The following CYB5A variants were observed in gnomAD, a reference collection of about 807,000 sequenced individuals.
CYB5A encodes cytochrome b5 type A.
A neutral mutation model predicts 16.2 loss-of-function variants in CYB5A; 10 were observed. The ratio of observed to expected loss-of-function variants is 0.62; its 90% CI spans 0.38 to 1.04. The LOEUF is 1.04. Among genes scored for constraint, CYB5A ranks in the 50% least tolerant of loss-of-function variants. The pLI, the probability that CYB5A is intolerant of heterozygous loss-of-function variation, is 0.01. For missense variants in CYB5A, 161 were observed against 165.9 expected, an observed-to-expected ratio of 0.97 and a Z score of 0.16; for synonymous variants, 62 against 57.0, an observed-to-expected ratio of 1.09 and a Z score of -0.40.
At chr18:74,290,708 G>A (rs1983498662) in intron 1 of CYB5A, among the ~76,000 whole-genome samples, 1 of 152,188 alleles carries the variant, frequency 6.6e-6, no homozygotes, top group Non-Finnish European at 1.5e-5. Flanking sequence ...TTATTGGGAG[G>A]GGGCGTGAGC....
intron 3 of CYB5A, chr18:74,260,658 G>C (rs542214289): frequency 2.0e-5 from 11 of 548,388 alleles, no homozygotes; most frequent in Non-Finnish European, 3.4e-5. Context: ...CTCTTCAAAT[G>C]GTATATATTG....
At chr18:74,288,651 AG>A (rs1161239054) in intron 1 of CYB5A, among the ~76,000 whole-genome samples, 1 of 152,212 alleles carries the variant, frequency 6.6e-6, no homozygotes, top group Non-Finnish European at 1.5e-5. Context: ...ACTACCTGGC[AG>A]GGCAGTGTGC....
At chr18:74,289,062 A>G (rs576729682) in intron 1 of CYB5A, among the ~76,000 whole-genome samples, 1 of 151,998 alleles carries the variant, frequency 6.6e-6, no homozygotes, top group Non-Finnish European at 1.5e-5. Flanking sequence ...AAACCAAACT[A>G]ACTCCTTGTG....
At chr18:74,287,640 G>C (rs1392663236) in intron 1 of CYB5A, among the ~76,000 whole-genome samples, 1 of 152,296 alleles carries the variant, frequency 6.6e-6, no homozygotes, top group African/African-American at 2.4e-5. Context: ...ATGTTCTACA[G>C]AAGCAAGTTT....
At chr18:74,281,327 G>C (rs529060502) in intron 1 of CYB5A, among the ~76,000 whole-genome samples, 4 of 152,308 alleles carry the variant, frequency 2.6e-5, no homozygotes, top group Non-Finnish European at 4.4e-5. Flanking sequence ...GGTCTTTCTG[G>C]CCAGGATGTG....
intron 1 of CYB5A, among the ~76,000 whole-genome samples, chr18:74,286,762 A>AG (rs1168226164): frequency 4.6e-5 from 7 of 152,218 alleles, no homozygotes; most frequent in African/African-American, 1.7e-4. Flanking sequence ...CACCAGGAGG[A>AG]CTTTTCAGAA....
intron 1 of CYB5A, among the ~76,000 whole-genome samples, chr18:74,272,793 G>A (rs1179722978): frequency 1.3e-5 from 2 of 151,880 alleles, no homozygotes; most frequent in Admixed American, 6.6e-5. Flanking sequence ...GTAGTGGTGG[G>A]CGCCTGTATC....
At chr18:74,280,655 G>A (rs1983062357) in intron 1 of CYB5A, among the ~76,000 whole-genome samples, 1 of 152,052 alleles carries the variant, frequency 6.6e-6, no homozygotes, top group Non-Finnish European at 1.5e-5. Flanking sequence ...AAGGTGTGAG[G>A]TTTCAGTCAA....
intron 2 of CYB5A, among the ~76,000 whole-genome samples, chr18:74,262,455 CAAAAA>C (rs5826311): frequency 7.6e-6 from 1 of 132,248 alleles, no homozygotes. Flanking sequence ...GACTCTGTCT[CAAAAA>C]AAAAAAAAAA....
At chr18:74,285,059 T>A (rs1568225212) in intron 1 of CYB5A, among the ~76,000 whole-genome samples, 1 of 152,134 alleles carries the variant, frequency 6.6e-6, no homozygotes. Context: ...GGTCCAAGGG[T>A]AATAGGAAAG....
intron 2 of CYB5A, among the ~76,000 whole-genome samples, chr18:74,262,521 T>C (rs1179771706): frequency 6.6e-6 from 1 of 151,548 alleles, no homozygotes; most frequent in African/African-American, 2.4e-5. Context: ...GGTCAATGAA[T>C]TGGTCCAGAG....
chr18:74,255,172 G>GT lies in CYB5A; in HGVS notation c.323+568dup, dbSNP rs1981924151. On this transcript the variant is annotated intron_variant, in intron 4 of 4. Transcript: ENST00000340533. ...TGACAGGATGAAATACAAATGTGTGGTTTTGAGCTTGGGTCCAAAAAAGTG... is the reference window on the plus strand; with the variant it reads ...TGACAGGATGAAATACAAATGTGTGGTTTTTGAGCTTGGGTCCAAAAAAGTG... 1.3e-5 allele frequency among the ~76,000 whole-genome samples: 2 copies of GT among 152,180 alleles called. 1 individual carries two copies. The highest frequency in any genetic ancestry group is 4.8e-5 in the African/African-American group (2 of 41,448).
At chr18:74,264,210 CAAAA>C (rs59600245) in intron 1 of CYB5A, among the ~76,000 whole-genome samples, 344 of 143,796 alleles carry the variant, frequency 2.4e-3, no homozygotes, top group Middle Eastern at 3.5e-3. Flanking sequence ...GACTCTGTCT[CAAAA>C]AAAAAAAAAA....
chr18:74,258,401 A>G (rs1313949290), intron 3 of CYB5A: 1 of 152,264 alleles, frequency 6.6e-6, no homozygotes, highest in Non-Finnish European at 1.5e-5. Flanking sequence ...GTTAGATTAA[A>G]ATGCATGATT....
At chr18:74,287,022 C>T (rs1983346136) in intron 1 of CYB5A, among the ~76,000 whole-genome samples, 1 of 152,134 alleles carries the variant, frequency 6.6e-6, no homozygotes, top group Admixed American at 6.5e-5. Context: ...TAGAAATATA[C>T]AAAAGCCTCA....
rs150962721 is a variant in CYB5A, at chr18:74,288,309, T to C, written c.129+3438A>G. Reference sequence around the variant, plus strand: ...ACATGAACACGGACATGCACATAAATCTAGGACATTCTGAAAGAAGGGGAA... The same window carrying C: ...ACATGAACACGGACATGCACATAAACCTAGGACATTCTGAAAGAAGGGGAA... On this transcript the variant is annotated intron_variant, in intron 1 of 4. Coordinates refer to ENST00000340533, the MANE Select transcript of CYB5A (RefSeq NM_148923.4). Among the ~76,000 whole-genome samples, 62 of 152,202 alleles carry C rather than the reference T, an allele frequency of 4.1e-4. 1 individual carries two copies. Among genetic ancestry groups the C allele is most frequent in the African/African-American group, 1.3e-3 (53 of 41,520 alleles).
At chr18:74,265,892 C>T (rs1487321301) in intron 1 of CYB5A, among the ~76,000 whole-genome samples, 1 of 152,224 alleles carries the variant, frequency 6.6e-6, no homozygotes, top group African/African-American at 2.4e-5. Context: ...ATGACCTAAA[C>T]ATTCCTGCTA....
intron 1 of CYB5A, among the ~76,000 whole-genome samples, chr18:74,265,776 G>T (rs1982411308): frequency 6.6e-6 from 1 of 152,190 alleles, no homozygotes; most frequent in Non-Finnish European, 1.5e-5. Flanking sequence ...GAGAGAGGAG[G>T]TGGTCCCAGG....
chr18:74,291,295 C>T (rs930641079), intron 1 of CYB5A, among the ~76,000 whole-genome samples: 6 of 152,256 alleles, frequency 3.9e-5, no homozygotes, highest in African/African-American at 1.4e-4. Flanking sequence ...GCGCTATCCC[C>T]GGAAGGCTGC....
Sources: allele counts gnomAD v4.1 joint callset (sites outside exome capture counted in the v4.1 genomes callset), GRCh38; gene constraint gnomAD v4.1.1; transcripts MANE v1.5; gene names NCBI Gene and HGNC (gene_info 2026-07-23, HGNC 2026-07-21).